SNIP1: variants seen among roughly 807,000 people sequenced by gnomAD.
The protein encoded by SNIP1 is Smad nuclear interacting protein 1, also known as smad nuclear-interacting protein 1.
In SNIP1, 23 loss-of-function variants were observed where a neutral mutation model predicts 37.4. The ratio of observed to expected loss-of-function variants is 0.61; its 90% CI spans 0.44 to 0.87. SNIP1 has a LOEUF of 0.87. Ranked by LOEUF, SNIP1 falls within the 40% of genes least tolerant of loss-of-function variation. The pLI is 0.00. For synonymous variants in SNIP1, 174 were observed against 200.0 expected, an observed-to-expected ratio of 0.87 and a Z score of 1.10; for missense variants, 459 against 540.4, an observed-to-expected ratio of 0.85 and a Z score of 1.49.
At position 37,540,844 on chromosome 1, in the gene SNIP1, A is replaced by G; in HGVS notation, c.328-89T>C. 5 of 1,293,182 alleles carry G rather than the reference A, an allele frequency of 3.9e-6. No homozygotes were observed. In the Admixed American group the frequency reaches 1.2e-4, roughly 30 times the overall value. 80.1% of individuals were successfully genotyped at this position (1,293,182 alleles called of 1,614,324 possible). A position where few individuals can be genotyped will look rare whatever the true frequency, so the allele number is the denominator to read the frequency against. On this transcript the variant is annotated intron_variant, in intron 2 of 3. Transcript: ENST00000296215. This position sits in a 1 kb window ranked among gnomAD's most constrained non-coding sequence, Gnocchi z 5.6. Reference sequence around the variant, plus strand: ...GTTCTTTTTGAACGAAGTGCATGCAAAAAGTCTTGTAATTTGGACTTTGGC... The same window carrying G: ...GTTCTTTTTGAACGAAGTGCATGCAGAAAGTCTTGTAATTTGGACTTTGGC...
chr1:37,552,800 A>G (rs1345672611), intron 1 of SNIP1, 53 bp from the exon 2 acceptor site: 12 of 1,457,234 alleles, frequency 8.2e-6, no homozygotes, highest in Non-Finnish European at 4.8e-6. Context: ...TCCCCCATAA[A>G]AATTAGCTTC....
In SNIP1 at chr1:37,537,538, G is replaced by A. The variant is rs911196290; in HGVS notation, c.*210C>T. On this transcript the variant is annotated 3_prime_UTR_variant, in exon 4 of 4. Transcript: ENST00000296215. ...TGAAAACAAATGCCTGCAGGCATGT[G>A]GCCAAGGTGCCACAGAAAAAGTTTA... 1.8e-6 allele frequency: 1 copy of A among 544,436 alleles called. No individual in the cohort carries two copies. The highest frequency in any genetic ancestry group is 1.9e-5 in the African/African-American group (1 of 52,882). The allele number at this position is 544,436 out of a possible 1,614,324, so 33.7% of individuals were successfully genotyped here.
At position 37,540,768 on chromosome 1, in the gene SNIP1, C is replaced by G. The variant is rs1643165330; in HGVS notation, c.328-13G>C. 1 of 1,569,404 alleles carries G rather than the reference C, an allele frequency of 6.4e-7. No homozygotes were observed. The highest frequency in any genetic ancestry group is 1.4e-5 in the African/African-American group (1 of 73,856). On this transcript the variant is annotated splice_polypyrimidine_tract_variant and intron_variant, in intron 2 of 3. Coordinates refer to ENST00000296215, the MANE Select transcript of SNIP1 (RefSeq NM_024700.4). The surrounding 1 kb of genome is among the most constrained non-coding windows in gnomAD (Gnocchi z 5.6). ...GATCCTCACGCTCCTAAAATTCAAA[C>G]AGATTCTGTAATTTAAACGCAGTGC...
In SNIP1 at chr1:37,536,199, A is replaced by G. The variant is rs1323212545; in HGVS notation, c.*1549T>C. 6.6e-6 allele frequency: 1 copy of G among 152,240 alleles called. No individual in the cohort carries two copies. Among genetic ancestry groups the G allele is most frequent in the Non-Finnish European group, 1.5e-5 (1 of 68,046 alleles). The allele number at this position is 152,240 out of a possible 1,614,324, so 9.4% of individuals were successfully genotyped here. On this transcript the variant is annotated 3_prime_UTR_variant, in exon 4 of 4. Transcript: ENST00000296215. ...AACTTCTTCTGAATGAACATTAGTCAGCTGCCCCTCCCACTAGCCAATCTT... is the reference window on the plus strand; with the variant it reads ...AACTTCTTCTGAATGAACATTAGTCGGCTGCCCCTCCCACTAGCCAATCTT...
In SNIP1 at chr1:37,544,779, C is replaced by T. The variant is rs114613523; in HGVS notation, c.328-4024G>A. 1.5e-3 allele frequency: 1,059 copies of T among 729,944 alleles called. 8 individuals carry two copies. Among genetic ancestry groups the T allele is most frequent in the African/African-American group, 7.8e-3 (452 of 58,166 alleles). The allele number at this position is 729,944 out of a possible 1,614,324, so 45.2% of individuals were successfully genotyped here. Reference sequence around the variant, plus strand: ...GCCACCACCATGACGACTGCGCGTCCCCCTCGCAGGTGCGCCAGAACTACC... The same window carrying T: ...GCCACCACCATGACGACTGCGCGTCTCCCTCGCAGGTGCGCCAGAACTACC... On this transcript the variant is annotated intron_variant, in intron 2 of 3. Coordinates refer to ENST00000296215, the MANE Select transcript of SNIP1 (RefSeq NM_024700.4).
In SNIP1 at chr1:37,540,607, C is replaced by T; in HGVS notation, c.476G>A (p.Ser159Asn). The T allele has an allele frequency of 6.2e-7, 1 of 1,614,174 alleles. No homozygotes were observed. Among genetic ancestry groups the T allele is most frequent in the Non-Finnish European group, 8.5e-7 (1 of 1,180,034 alleles). ...TCGATCCCGTCCCTGACCCTGCCCA[C>T]TCCCAGGCCTCTCGTTAGACGTTCT... Reference protein sequence around the residue: ...QRRTSNERPGSGQGQGRDRDT... With the variant: ...QRRTSNERPGNGQGQGRDRDT... The change falls in exon 3 of 4, where the codon AGT (serine) becomes AAT (asparagine). Residue 159 changes from serine (S) to asparagine (N), a missense_variant. Ser to Asn is a conservative substitution (Grantham distance 46). Coordinates refer to ENST00000296215, the MANE Select transcript of SNIP1 (RefSeq NM_024700.4). This position sits in a 1 kb window ranked among gnomAD's most constrained non-coding sequence, Gnocchi z 5.6.
At chr1:37,544,188 T>C (rs1483039588) in intron 2 of SNIP1, among the ~76,000 whole-genome samples, 1 of 150,572 alleles carries the variant, frequency 6.6e-6, no homozygotes, top group African/African-American at 2.4e-5. Context: ...GGCTCACGCC[T>C]GCAATCCTAG....
At chr1:37,553,300 C>T (rs930702181) in intron 1 of SNIP1, among the ~76,000 whole-genome samples, 11 of 152,222 alleles carry the variant, frequency 7.2e-5, no homozygotes, top group Non-Finnish European at 1.5e-4. Context: ...CAGGTCTGGG[C>T]TCAAATGGCA....
chr1:37,544,477 A>G (rs1318954137), intron 2 of SNIP1, among the ~76,000 whole-genome samples: 1 of 151,932 alleles, frequency 6.6e-6, no homozygotes, highest in Non-Finnish European at 1.5e-5. Context: ...AAAGAAAGAA[A>G]CAAGTCTTAT....
intron 2 of SNIP1, among the ~76,000 whole-genome samples, chr1:37,542,543 C>T (rs181288903): frequency 6.6e-6 from 1 of 152,028 alleles, no homozygotes; most frequent in Non-Finnish European, 1.5e-5. Context: ...AATTTGAGAC[C>T]AGCCTGGGCA....
In SNIP1 at chr1:37,538,305, G is replaced by C. The variant is rs1643123893; in HGVS notation, c.927-293C>G. ...GGGCGGATCACGAGGTCAGGAGATG[G>C]AGACCATCCTGGCTAACATGGTGAA... On this transcript the variant is annotated intron_variant, in intron 3 of 3. Transcript: ENST00000296215. 2.0e-5 allele frequency among the ~76,000 whole-genome samples: 3 copies of C among 152,154 alleles called. No homozygotes were observed. In the South Asian group the frequency reaches 6.2e-4, roughly 32 times the overall value.
intron 2 of SNIP1, among the ~76,000 whole-genome samples, chr1:37,548,152 C>CAAAAAAAAAAAAA: frequency 1.5e-5 from 1 of 65,348 alleles, no homozygotes; most frequent in Non-Finnish European, 2.6e-5. Context: ...GACTCCATAT[C>CAAAAAAAAAAAAA]AAAAAAAAAA....
chr1:37,550,888 G>GT, intron 2 of SNIP1, among the ~76,000 whole-genome samples: 1 of 152,078 alleles, frequency 6.6e-6, no homozygotes, highest in East Asian at 1.9e-4. Context: ...GAGGTCAGAA[G>GT]TTTGAGACCA....
chr1:37,540,127 C>T lies in SNIP1; in HGVS notation c.926+30G>A. 1 of 1,532,540 alleles carries T rather than the reference C, an allele frequency of 6.5e-7. No individual in the cohort carries two copies. Among genetic ancestry groups the T allele is most frequent in the South Asian group, 1.2e-5 (1 of 80,624 alleles). The allele number at this position is 1,532,540 out of a possible 1,614,324, so 94.9% of individuals were successfully genotyped here. A position where few individuals can be genotyped will look rare whatever the true frequency, so the allele number is the denominator to read the frequency against. On this transcript the variant is annotated intron_variant, in intron 3 of 3. Transcript: ENST00000296215. This position sits in a 1 kb window ranked among gnomAD's most constrained non-coding sequence, Gnocchi z 5.6. ...CTAACTGAGTGATTGTTTCTGCTCACATTACAGTTTCTTCCTCCATGTTAC... is the reference window on the plus strand; with the variant it reads ...CTAACTGAGTGATTGTTTCTGCTCATATTACAGTTTCTTCCTCCATGTTAC...
chr1:37,552,595 T>C (rs752339038), intron 2 of SNIP1, 50 bp downstream of exon 2: 13 of 1,429,304 alleles, frequency 9.1e-6, no homozygotes, highest in African/African-American at 1.4e-5. Flanking sequence ...TTAGCTGTGA[T>C]AGGAAAAGGC....
chr1:37,551,043 C>G (rs1643293977), intron 2 of SNIP1, among the ~76,000 whole-genome samples: 1 of 150,532 alleles, frequency 6.6e-6, no homozygotes. Flanking sequence ...TGCAGTGAGC[C>G]AAGATCACGC....
intron 2 of SNIP1, among the ~76,000 whole-genome samples, chr1:37,545,775 T>C (rs996622149): frequency 1.3e-5 from 2 of 151,922 alleles, no homozygotes; most frequent in Non-Finnish European, 2.9e-5. Flanking sequence ...CTGGGTAACA[T>C]AGTGAGACCC....
At chr1:37,550,573 G>A (rs1643288554) in intron 2 of SNIP1, among the ~76,000 whole-genome samples, 1 of 151,978 alleles carries the variant, frequency 6.6e-6, no homozygotes, top group African/African-American at 2.4e-5. Flanking sequence ...TGGGCATGGT[G>A]GCACGAGCCT....
chr1:37,535,199 A>ATCTC lies in SNIP1; in HGVS notation c.*2545_*2548dup, dbSNP rs1643072662. 9.0e-6 allele frequency: 1 copy of ATCTC among 111,202 alleles called. No individual in the cohort carries two copies. Among genetic ancestry groups the ATCTC allele is most frequent in the African/African-American group, 4.0e-5 (1 of 25,228 alleles). 6.9% of individuals were successfully genotyped at this position (111,202 alleles called of 1,614,324 possible). A position where few individuals can be genotyped will look rare whatever the true frequency, so the allele number is the denominator to read the frequency against. Reference sequence around the variant, plus strand: ...AGCCTGGCCAATATGGTGAAACCCCATCTCTACTAAAAAAAAATAAAAAAT... The same window carrying ATCTC: ...AGCCTGGCCAATATGGTGAAACCCCATCTCTCTCTACTAAAAAAAAATAAAAAAT... On this transcript the variant is annotated 3_prime_UTR_variant, in exon 4 of 4. Coordinates refer to ENST00000296215, the MANE Select transcript of SNIP1 (RefSeq NM_024700.4).
Sources: allele counts gnomAD v4.1 joint callset (sites outside exome capture counted in the v4.1 genomes callset), GRCh38; gene constraint gnomAD v4.1.1; non-coding constraint Gnocchi (gnomAD v3.1); transcripts MANE v1.5; gene names NCBI Gene and HGNC (gene_info 2026-07-23, HGNC 2026-07-21).